ROBO2: variants seen among roughly 807,000 people sequenced by gnomAD.
ROBO2 encodes roundabout guidance receptor 2.
ROBO2 carries 53 observed loss-of-function variants against 160.8 expected under a neutral mutation model. The observed-to-expected ratio is 0.33, with a 90% confidence interval of 0.26 to 0.41. The LOEUF is 0.41. Among genes scored for constraint, ROBO2 ranks in the 10% least tolerant of loss-of-function variants. The pLI, the probability that ROBO2 is intolerant of heterozygous loss-of-function variation, is 1.00. For missense variants in ROBO2, 1,577 were observed against 1,722.4 expected (o/e 0.92, Z 1.49); for synonymous variants, 664 against 611.7 (o/e 1.09, Z -1.26).
intron 2 of ROBO2, among the ~76,000 whole-genome samples, chr3:76,377,175 A>G (rs1361986781): frequency 6.6e-6 from 1 of 152,150 alleles, no homozygotes; most frequent in Non-Finnish European, 1.5e-5. Flanking sequence ...ATGGAATTAC[A>G]TGCAAACATA....
intron 2 of ROBO2, among the ~76,000 whole-genome samples, chr3:77,363,906 G>T (rs73112302): frequency 1.3e-5 from 2 of 152,020 alleles, no homozygotes; most frequent in African/African-American, 4.8e-5. Flanking sequence ...AAGACAGGGG[G>T]CTGGGAGAAG....
intron 2 of ROBO2, among the ~76,000 whole-genome samples, chr3:76,960,068 G>C (rs1415905076): frequency 6.6e-6 from 1 of 151,710 alleles, no homozygotes; most frequent in Non-Finnish European, 1.5e-5. Context: ...TATATTTTCT[G>C]AGTATCTCAG....
chr3:76,700,873 C>A (rs1280854388), intron 2 of ROBO2, among the ~76,000 whole-genome samples: 1 of 152,148 alleles, frequency 6.6e-6, no homozygotes, highest in Non-Finnish European at 1.5e-5. Context: ...AATACATTTT[C>A]ATAGTCATTC....
At chr3:77,051,554 C>G (rs1164564504) in intron 1 of ROBO2, among the ~76,000 whole-genome samples, 1 of 152,184 alleles carries the variant, frequency 6.6e-6, no homozygotes, top group South Asian at 2.1e-4. Flanking sequence ...GTAAATGTGT[C>G]TCATCATGGT....
chr3:76,500,998 G>A (rs1021682925), intron 2 of ROBO2, among the ~76,000 whole-genome samples: 3 of 152,116 alleles, frequency 2.0e-5, no homozygotes, highest in African/African-American at 2.4e-5. Flanking sequence ...TGTAGGGAGG[G>A]CTAGGAAGCA....
At chr3:77,317,274 A>AT (rs373374343) in intron 2 of ROBO2, 2,519 of 677,072 alleles carry the variant, frequency 3.7e-3, no homozygotes, top group East Asian at 4.7e-3. Context: ...TGATTTTAGC[A>AT]TTTTTTTTTT....
At chr3:76,235,792 G>T (rs140579773) in intron 2 of ROBO2, among the ~76,000 whole-genome samples, 1 of 152,138 alleles carries the variant, frequency 6.6e-6, no homozygotes, top group Non-Finnish European at 1.5e-5. Flanking sequence ...TGCATTGTGG[G>T]TTTTAAAAAC....
At chr3:75,929,547 G>C (rs1363485483) in intron 1 of ROBO2, among the ~76,000 whole-genome samples, 2 of 152,104 alleles carry the variant, frequency 1.3e-5, no homozygotes, top group Non-Finnish European at 2.9e-5. Flanking sequence ...AGCTGAGGTG[G>C]TTGTTCTTGG....
intron 2 of ROBO2, among the ~76,000 whole-genome samples, chr3:77,162,364 A>G (rs1047119794): frequency 6.6e-6 from 1 of 152,230 alleles, no homozygotes; most frequent in African/African-American, 2.4e-5. Context: ...ATTTAGCTTC[A>G]TAAGTATTGA....
intron 2 of ROBO2, among the ~76,000 whole-genome samples, chr3:76,606,709 T>C (rs2087687795): frequency 6.6e-6 from 1 of 152,096 alleles, no homozygotes. Context: ...ATATATGTTT[T>C]TTAGTTTGTA....
chr3:77,591,326 A>T (rs1323804786), intron 17 of ROBO2, among the ~76,000 whole-genome samples: 1 of 152,142 alleles, frequency 6.6e-6, no homozygotes, highest in South Asian at 2.1e-4. Context: ...TTCTATTTGG[A>T]GTAGGAAAAT....
intron 2 of ROBO2, among the ~76,000 whole-genome samples, chr3:76,694,994 C>T (rs1306604684): frequency 1.3e-5 from 2 of 152,070 alleles, no homozygotes; most frequent in Non-Finnish European, 2.9e-5. Context: ...ATCCCAGCTG[C>T]TCAGGAGGCT....
intron 1 of ROBO2, among the ~76,000 whole-genome samples, chr3:75,912,809 G>A (rs1946657128): frequency 6.6e-6 from 1 of 152,100 alleles, no homozygotes; most frequent in Admixed American, 6.6e-5. Flanking sequence ...ATATAATACA[G>A]TTACTAATAT....
intron 5 of ROBO2, among the ~76,000 whole-genome samples, chr3:77,510,446 C>A (rs891414577): frequency 6.6e-6 from 1 of 151,886 alleles, no homozygotes; most frequent in African/African-American, 2.4e-5. Context: ...GACATTTGAA[C>A]CTCAGATTTC....
At chr3:77,558,202 C>T (rs972379936) in intron 9 of ROBO2, 53 bp downstream of exon 10, 78 of 1,469,568 alleles carry the variant, frequency 5.3e-5, no homozygotes, top group Non-Finnish European at 7.3e-5. Context: ...AAGTACTGCT[C>T]TATGGAAAAA....
Position 77,135,591 on chromosome 3 carries a change from T to C in ROBO2, c.388+37251T>C, listed in dbSNP as rs544773862. 6.6e-5 allele frequency among the ~76,000 whole-genome samples: 10 copies of C among 151,738 alleles called. No individual in the cohort carries two copies. The South Asian group carries it at 1.0e-3, about 16-fold the overall frequency. On this transcript the variant is annotated intron_variant, in intron 2 of 25. Coordinates refer to ENST00000461745, the Ensembl canonical transcript of ROBO2. ...AATTTTTTTTTTTTTGTATTTTTAG[T>C]AGAGAAGGGGTTTCGCTATGTTGCC...
At chr3:77,564,896 C>T (rs942593140) in intron 11 of ROBO2, 58 bp from the exon 13 acceptor site, 12 of 1,527,744 alleles carry the variant, frequency 7.9e-6, no homozygotes, top group Non-Finnish European at 9.9e-6. Context: ...TGATACCCAA[C>T]TCCATTTCCA....
chr3:77,359,564 G>GT (rs1206292609), intron 2 of ROBO2, among the ~76,000 whole-genome samples: 2 of 152,148 alleles, frequency 1.3e-5, no homozygotes, highest in East Asian at 3.9e-4. Context: ...ACCATTACCT[G>GT]TGAGTCTGAG....
chr3:76,022,408 T>C (rs1036720041), intron 2 of ROBO2, among the ~76,000 whole-genome samples: 2 of 151,838 alleles, frequency 1.3e-5, no homozygotes, highest in Non-Finnish European at 2.9e-5. Context: ...TTACCCAGAT[T>C]CATCAGAGGA....
Sources: gnomAD v4.1 joint callset for allele counts (sites outside exome capture counted in the v4.1 genomes callset) on GRCh38, gnomAD v4.1.1 for gene constraint, MANE v1.5 for transcripts, NCBI Gene and HGNC (gene_info 2026-07-23, HGNC 2026-07-21) for gene names.